Variants in INO80D observed in about 807,000 individuals in gnomAD.
INO80D encodes INO80 complex subunit D.
Under a neutral mutation model 87.6 loss-of-function variants are expected in INO80D, and 21 were observed. That is an observed-to-expected ratio of 0.24 (90% CI 0.17 to 0.35). The LOEUF is 0.35. Among genes scored for constraint, INO80D ranks in the 10% least tolerant of loss-of-function variants. The pLI is 1.00. For missense variants in INO80D, 982 were observed against 1,280.7 expected, an observed-to-expected ratio of 0.77 and a Z score of 3.56; for synonymous variants, 440 against 491.0, an observed-to-expected ratio of 0.90 and a Z score of 1.37.
At chr2:206,036,174 C>T (rs1688888154) in intron 5 of INO80D, among the ~76,000 whole-genome samples, 1 of 152,160 alleles carries the variant, frequency 6.6e-6, no homozygotes, top group Non-Finnish European at 1.5e-5. Flanking sequence ...CTATGGAAAA[C>T]AGTGTGGAGA....
rs1443771704 is a variant in INO80D, at chr2:206,002,910, G to C, written c.*1458C>G. The C allele has an allele frequency of 2.6e-5, 4 of 152,156 alleles. No homozygotes were observed. Among genetic ancestry groups the C allele is most frequent in the Non-Finnish European group, 4.4e-5 (3 of 68,024 alleles). 9.4% of individuals were successfully genotyped at this position (152,156 alleles called of 1,614,324 possible). ...ACAGTGAAACTACTCAGCAAAAGCA[G>C]AGTAGAGATGCCTTTAAAATCTAGT... On this transcript the variant is annotated 3_prime_UTR_variant, in exon 11 of 11. Coordinates refer to ENST00000403263, the MANE Select transcript of INO80D (RefSeq NM_017759.5).
chr2:206,057,413 C>T lies in INO80D; in HGVS notation c.219-470G>A, dbSNP rs138590511. On this transcript the variant is annotated intron_variant, in intron 3 of 10. Coordinates refer to ENST00000403263, the MANE Select transcript of INO80D (RefSeq NM_017759.5). ...TGTCAAGTGTCTACTGTGCTTTAGACACATATACAGAGAGAGACAGAGAAA... is the reference window on the plus strand; with the variant it reads ...TGTCAAGTGTCTACTGTGCTTTAGATACATATACAGAGAGAGACAGAGAAA... Among the ~76,000 whole-genome samples, 68 of 152,114 alleles carry T rather than the reference C, an allele frequency of 4.5e-4. No individual in the cohort carries two copies. In the East Asian group the frequency reaches 0.013, roughly 29 times the overall value.
intron 5 of INO80D, among the ~76,000 whole-genome samples, chr2:206,032,319 G>A (rs1000862124): frequency 1.9e-4 from 29 of 152,186 alleles, no homozygotes; most frequent in Non-Finnish European, 8.8e-5. Flanking sequence ...CCCACTGCCT[G>A]GAAACAGACT....
chr2:206,020,098 T>TC (rs1361610674), intron 6 of INO80D, among the ~76,000 whole-genome samples: 1 of 151,800 alleles, frequency 6.6e-6, no homozygotes, highest in East Asian at 1.9e-4. Flanking sequence ...TGTTTTTTTT[T>TC]TTAAGTGATG....
intron 5 of INO80D, among the ~76,000 whole-genome samples, chr2:206,041,821 A>G (rs1295553879): frequency 6.6e-6 from 1 of 152,232 alleles, no homozygotes; most frequent in East Asian, 1.9e-4. Context: ...TAAATAGCCC[A>G]TAGATCAAAC....
chr2:206,084,452 A>G (rs1310569061), intron 1 of INO80D, among the ~76,000 whole-genome samples: 1 of 152,154 alleles, frequency 6.6e-6, no homozygotes, highest in African/African-American at 2.4e-5. Context: ...ACTGATCCTT[A>G]AACTGTAGAC....
At chr2:206,018,135 G>GT (rs1343865988) in intron 7 of INO80D, among the ~76,000 whole-genome samples, 7 of 151,778 alleles carry the variant, frequency 4.6e-5, no homozygotes, top group Admixed American at 1.3e-4. Context: ...TCCACTTCAT[G>GT]TTTTTTTTGT....
intron 10 of INO80D, 92 bp from the exon 11 acceptor site, chr2:206,005,625 G>C (rs908841853): frequency 3.0e-6 from 3 of 990,832 alleles, no homozygotes; most frequent in African/African-American, 1.6e-5. Context: ...AACAATATTC[G>C]ATTTAAAGAG....
At chr2:206,067,120 G>T (rs928263184) in intron 1 of INO80D, among the ~76,000 whole-genome samples, 4 of 150,744 alleles carry the variant, frequency 2.7e-5, no homozygotes, top group African/African-American at 4.9e-5. Flanking sequence ...GGTGGTGGGG[G>T]CCTGTAATCC....
At chr2:206,023,049 C>T (rs1473853173) in intron 6 of INO80D, among the ~76,000 whole-genome samples, 1 of 151,756 alleles carries the variant, frequency 6.6e-6, no homozygotes, top group Non-Finnish European at 1.5e-5. Flanking sequence ...AAATACAAAA[C>T]AATTAGCCAG....
intron 8 of INO80D, among the ~76,000 whole-genome samples, chr2:206,012,671 C>A (rs1688208664): frequency 6.6e-6 from 1 of 151,854 alleles, no homozygotes; most frequent in African/African-American, 2.4e-5. Flanking sequence ...AGCTCAAGAC[C>A]AACCTGGCCA....
At chr2:206,081,616 G>A (rs969502095) in intron 1 of INO80D, among the ~76,000 whole-genome samples, 25 of 152,090 alleles carry the variant, frequency 1.6e-4, no homozygotes, top group African/African-American at 6.0e-4. Flanking sequence ...AGCCAGGCAT[G>A]GTGGCAAGCA....
At chr2:206,038,705 C>T (rs934585970) in intron 5 of INO80D, among the ~76,000 whole-genome samples, 3 of 151,986 alleles carry the variant, frequency 2.0e-5, no homozygotes, top group African/African-American at 2.4e-5. Flanking sequence ...TGCTGGTACA[C>T]GCCTGTAATC....
At chr2:206,061,471 A>G (rs531845147) in intron 3 of INO80D, among the ~76,000 whole-genome samples, 2 of 152,338 alleles carry the variant, frequency 1.3e-5, no homozygotes, top group East Asian at 3.9e-4. Flanking sequence ...TCCATTCTTC[A>G]AGTTAAAAAA....
rs745953100 is a variant in INO80D at position 206,000,415 on chromosome 2, G to T, written c.*3953C>A. Reference sequence around the variant, plus strand: ...CCCTAGGATGCCAAGGCACGGCAAAGACGGCGGGCAAGCATCAGCGGACTG... The same window carrying T: ...CCCTAGGATGCCAAGGCACGGCAAATACGGCGGGCAAGCATCAGCGGACTG... On this transcript the variant is annotated 3_prime_UTR_variant, in exon 11 of 11. Coordinates refer to ENST00000403263, the MANE Select transcript of INO80D (RefSeq NM_017759.5). 3 of 150,854 alleles carry T rather than the reference G, an allele frequency of 2.0e-5. No individual in the cohort carries two copies. Among genetic ancestry groups the T allele is most frequent in the Non-Finnish European group, 4.4e-5 (3 of 67,816 alleles). The allele number at this position is 150,854 out of a possible 1,614,324, so 9.3% of individuals were successfully genotyped here.
At chr2:206,030,002 A>G (rs1015433801) in intron 5 of INO80D, among the ~76,000 whole-genome samples, 1 of 152,156 alleles carries the variant, frequency 6.6e-6, no homozygotes, top group Admixed American at 6.5e-5. Context: ...CAGAATCTCC[A>G]TGGTATAGGG....
rs1268180909 is a variant in INO80D, at chr2:206,056,638, G to C, written c.524C>G (p.Ala175Gly). 5.0e-6 allele frequency: 8 copies of C among 1,611,662 alleles called. No homozygotes were observed. The highest frequency in any genetic ancestry group is 6.8e-6 in the Non-Finnish European group (8 of 1,178,826). ...TVRKKLQSKL[A>G]QNRQRQRETE... The stretch of plus-strand genomic sequence containing the variant: ...CTCTCTCTGGCGCTGCCGATTCTGG[G>C]CCAACTTGCTCTGCAACTTCTTTCT... Residue 175 changes from alanine (A) to glycine (G), a missense_variant, in exon 4 of 11, where the codon GCC (alanine) becomes GGC (glycine). Coordinates refer to ENST00000403263, the MANE Select transcript of INO80D (RefSeq NM_017759.5).
chr2:206,035,103 A>G (rs904718287), intron 5 of INO80D, among the ~76,000 whole-genome samples: 5 of 152,176 alleles, frequency 3.3e-5, no homozygotes, highest in Non-Finnish European at 5.9e-5. Flanking sequence ...TGACACGAAC[A>G]AATGGAAACA....
chr2:206,014,267 AT>A (rs1472621014), intron 8 of INO80D, among the ~76,000 whole-genome samples: 1 of 152,188 alleles, frequency 6.6e-6, no homozygotes, highest in African/African-American at 2.4e-5. Context: ...TAGTATACAA[AT>A]TTTTCAAAAC....
Sources: allele counts gnomAD v4.1 joint callset (sites outside exome capture counted in the v4.1 genomes callset), GRCh38; gene constraint gnomAD v4.1.1; transcripts MANE v1.5; gene names NCBI Gene and HGNC (gene_info 2026-07-23, HGNC 2026-07-21).